Variants in CREB3L2 observed in about 807,000 individuals in gnomAD.
CREB3L2 encodes cyclic AMP-responsive element-binding protein 3-like protein 2.
CREB3L2 carries 23 observed loss-of-function variants against 57.2 expected under a neutral mutation model. That is an observed-to-expected ratio of 0.40 (90% CI 0.29 to 0.57). CREB3L2 has a LOEUF of 0.57. CREB3L2 is among the 20% of genes least tolerant of loss of function. CREB3L2 has a pLI of 0.42. For synonymous variants in CREB3L2, 268 were observed against 265.1 expected, an observed-to-expected ratio of 1.01 and a Z score of -0.11; for missense variants, 628 against 634.7, an observed-to-expected ratio of 0.99 and a Z score of 0.11.
intron 1 of CREB3L2, among the ~76,000 whole-genome samples, chr7:137,983,929 C>T (rs945468181): frequency 3.3e-5 from 5 of 152,148 alleles, no homozygotes; most frequent in African/African-American, 1.2e-4. Context: ...GCACACTGCC[C>T]GCTCCCTGCC....
At chr7:137,931,280 T>TG (rs1336177264) in intron 1 of CREB3L2, among the ~76,000 whole-genome samples, 20 of 151,874 alleles carry the variant, frequency 1.3e-4, no homozygotes, top group Admixed American at 1.3e-4. Context: ...CCCAGCACTT[T>TG]GGGAGGCTGA....
intron 1 of CREB3L2, chr7:137,955,427 A>G: frequency 1.6e-6 from 1 of 616,032 alleles, no homozygotes; most frequent in Non-Finnish European, 2.6e-6. Context: ...CTTAATCCCC[A>G]CACGCCAAAC....
intron 1 of CREB3L2, among the ~76,000 whole-genome samples, chr7:137,976,908 C>T (rs542449145): frequency 9.8e-5 from 15 of 152,308 alleles, no homozygotes; most frequent in African/African-American, 3.6e-4. Flanking sequence ...ATATAGGCTA[C>T]GCAGACGGCA....
Position 137,880,428 on chromosome 7 carries a change from G to T in CREB3L2, c.*48C>A. On this transcript the variant is annotated 3_prime_UTR_variant, in exon 12 of 12. Transcript: ENST00000330387. The surrounding 1 kb of genome is among the most constrained non-coding windows in gnomAD (Gnocchi z 4.0). ...AAGCTGATGACAAAGGTGGTTTGGG[G>T]ATGTAAAAGTAGAGTTAAGGGAAAG... 1 of 1,455,050 alleles carries T rather than the reference G, an allele frequency of 6.9e-7. No homozygotes were observed. The highest frequency in any genetic ancestry group is 9.6e-7 in the Non-Finnish European group (1 of 1,040,128). 90.1% of individuals were successfully genotyped at this position (1,455,050 alleles called of 1,614,324 possible).
At chr7:137,960,793 TA>T (rs1373412287) in intron 1 of CREB3L2, among the ~76,000 whole-genome samples, 1 of 148,764 alleles carries the variant, frequency 6.7e-6, no homozygotes, top group Non-Finnish European at 1.5e-5. Flanking sequence ...ATTTTAAACT[TA>T]AAACTAAATT....
Position 137,876,626 on chromosome 7 carries a change from G to T in CREB3L2, c.*3850C>A, listed in dbSNP as rs1055900964. On this transcript the variant is annotated 3_prime_UTR_variant, in exon 12 of 12. Transcript: ENST00000330387. ...CTCCTGTAACTGCCCTCCCAGCGGG[G>T]CCTATCCTAGCATGTGTCTATGGAT... 4.3e-6 allele frequency: 1 copy of T among 232,840 alleles called. No individual in the cohort carries two copies. Among genetic ancestry groups the T allele is most frequent in the Non-Finnish European group, 8.5e-6 (1 of 117,992 alleles). 14.4% of individuals were successfully genotyped at this position (232,840 alleles called of 1,614,324 possible). A position where few individuals can be genotyped will look rare whatever the true frequency, so the allele number is the denominator to read the frequency against.
intron 5 of CREB3L2, 79 bp downstream of exon 5, chr7:137,908,173 G>C: frequency 2.0e-6 from 2 of 1,006,754 alleles, no homozygotes; most frequent in Middle Eastern, 7.4e-4. Context: ...AGCCTTGAGT[G>C]GTCCTGCTCT....
intron 2 of CREB3L2, among the ~76,000 whole-genome samples, chr7:137,926,602 C>T (rs1022637247): frequency 2.6e-5 from 4 of 152,020 alleles, no homozygotes; most frequent in Admixed American, 2.6e-4. Context: ...AGGGGAGGGA[C>T]AGCATTAGGA....
intron 5 of CREB3L2, 117 bp from the exon 6 acceptor site, chr7:137,905,965 A>T: frequency 9.8e-7 from 1 of 1,023,560 alleles, no homozygotes; most frequent in East Asian, 2.5e-5. Context: ...GCTCTGAGAC[A>T]AGGATGCCCC....
chr7:137,882,041 T>C (rs1437676299), intron 11 of CREB3L2, among the ~76,000 whole-genome samples: 1 of 152,220 alleles, frequency 6.6e-6, no homozygotes, highest in Admixed American at 6.5e-5. Flanking sequence ...CCATGAAACA[T>C]GTCTTAAAGT....
chr7:137,926,337 C>T (rs530927381), intron 2 of CREB3L2, among the ~76,000 whole-genome samples: 12 of 152,266 alleles, frequency 7.9e-5, no homozygotes, highest in African/African-American at 2.4e-4. Flanking sequence ...AACCCAAATG[C>T]CCACCAATGA....
chr7:137,920,047 T>TG (rs1438977228), intron 2 of CREB3L2, among the ~76,000 whole-genome samples: 1 of 152,206 alleles, frequency 6.6e-6, no homozygotes, highest in Non-Finnish European at 1.5e-5. Context: ...TAATTGCCCA[T>TG]GGGGGTGTTT....
chr7:137,900,627 T>G (rs1384669631), intron 8 of CREB3L2, among the ~76,000 whole-genome samples: 1 of 150,608 alleles, frequency 6.6e-6, no homozygotes, highest in East Asian at 1.9e-4. Context: ...AAACCCCATC[T>G]CTACTAAAAA....
chr7:137,916,115 G>C, intron 2 of CREB3L2, 103 bp from the exon 3 acceptor site: 7 of 826,448 alleles, frequency 8.5e-6, no homozygotes, highest in Non-Finnish European at 1.3e-5. Flanking sequence ...CTCAGTGAAG[G>C]ATGATTGAAA....
chr7:137,949,541 C>T (rs1000566022), intron 1 of CREB3L2, among the ~76,000 whole-genome samples: 3 of 152,152 alleles, frequency 2.0e-5, no homozygotes, highest in Admixed American at 6.5e-5. Context: ...ATCAAATGGA[C>T]ACCAGTGTTG....
intron 2 of CREB3L2, among the ~76,000 whole-genome samples, chr7:137,926,520 T>G (rs149587762): frequency 6.6e-6 from 1 of 151,512 alleles, no homozygotes; most frequent in South Asian, 2.1e-4. Context: ...TAAGTGGGAG[T>G]TGAACAATGA....
chr7:137,977,811 C>T (rs549912522), intron 1 of CREB3L2, among the ~76,000 whole-genome samples: 25 of 152,122 alleles, frequency 1.6e-4, no homozygotes, highest in Non-Finnish European at 2.4e-4. Context: ...GTTCCAGTTA[C>T]TGGGGAGGCT....
intron 1 of CREB3L2, among the ~76,000 whole-genome samples, chr7:137,979,619 G>A (rs557227713): frequency 3.3e-5 from 5 of 152,176 alleles, no homozygotes; most frequent in Admixed American, 6.5e-5. Context: ...CCAGCTACTC[G>A]GGAGGCTGAG....
chr7:137,997,018 A>G lies in CREB3L2; in HGVS notation c.102+4586T>C, dbSNP rs147683781. ...CATTATCAAGATCTTGATGTTTATC[A>G]TGGGCAAACCACCTGCCAACCTCTC... is the stretch of plus-strand genomic sequence containing the variant. On this transcript the variant is annotated intron_variant, in intron 1 of 11. Coordinates refer to ENST00000330387, the MANE Select transcript of CREB3L2 (RefSeq NM_194071.4). Among the ~76,000 whole-genome samples, 427 of 152,324 alleles carry G rather than the reference A, an allele frequency of 2.8e-3. 6 individuals carry two copies. Among genetic ancestry groups the G allele is most frequent in the African/African-American group, 9.5e-3 (396 of 41,586 alleles).
Sources: allele counts gnomAD v4.1 joint callset (sites outside exome capture counted in the v4.1 genomes callset), GRCh38; gene constraint gnomAD v4.1.1; non-coding constraint Gnocchi (gnomAD v3.1); transcripts MANE v1.5; gene names NCBI Gene and HGNC (gene_info 2026-07-23, HGNC 2026-07-21).